EXOC6B: variants seen among roughly 807,000 people sequenced by gnomAD.
The protein encoded by EXOC6B is exocyst complex component 6B.
A neutral mutation model predicts 113.5 loss-of-function variants in EXOC6B; 54 were observed. That is an observed-to-expected ratio of 0.48 (90% CI 0.38 to 0.60). The LOEUF (loss-of-function observed/expected upper bound fraction) is 0.60. Ranked by LOEUF, EXOC6B falls within the 20% of genes least tolerant of loss-of-function variation. EXOC6B has a pLI of 0.00. For missense variants in EXOC6B, 797 were observed against 977.5 expected, an observed-to-expected ratio of 0.82 and a Z score of 2.46; for synonymous variants, 357 against 339.0, an observed-to-expected ratio of 1.05 and a Z score of -0.58.
chr2:72,783,681 T>C (rs1684205318), intron 1 of EXOC6B, among the ~76,000 whole-genome samples: 1 of 152,154 alleles, frequency 6.6e-6, no homozygotes, highest in African/African-American at 2.4e-5. Flanking sequence ...TTTGCCCACT[T>C]TTTAATGAGA....
intron 20 of EXOC6B, among the ~76,000 whole-genome samples, chr2:72,334,198 C>T (rs1688564036): frequency 6.6e-6 from 1 of 152,056 alleles, no homozygotes; most frequent in Non-Finnish European, 1.5e-5. Context: ...AGTTAACTCT[C>T]TCCCTCACTA....
intron 20 of EXOC6B, among the ~76,000 whole-genome samples, chr2:72,310,343 A>G (rs1331044387): frequency 6.6e-6 from 1 of 152,136 alleles, no homozygotes; most frequent in Non-Finnish European, 1.5e-5. Flanking sequence ...GTGGGTATAA[A>G]GTGGTATCTC....
intron 20 of EXOC6B, among the ~76,000 whole-genome samples, chr2:72,217,758 A>G (rs978599771): frequency 1.3e-5 from 2 of 152,168 alleles, no homozygotes; most frequent in Non-Finnish European, 2.9e-5. Context: ...GATATCTGGC[A>G]TTTTTAGTTA....
intron 19 of EXOC6B, among the ~76,000 whole-genome samples, chr2:72,335,560 AC>A: frequency 8.0e-6 from 1 of 124,876 alleles, no homozygotes; most frequent in Non-Finnish European, 1.9e-5. Context: ...ACACACACAC[AC>A]ACACACACAC....
intron 6 of EXOC6B, among the ~76,000 whole-genome samples, chr2:72,615,912 G>A (rs759197149): frequency 6.6e-6 from 1 of 152,092 alleles, no homozygotes; most frequent in Non-Finnish European, 1.5e-5. Flanking sequence ...CAATCTTGAT[G>A]ATCCTGACCC....
In EXOC6B at chr2:72,367,182, T is replaced by C. The variant is rs115917702; in HGVS notation, c.2122+12547A>G. On this transcript the variant is annotated intron_variant, in intron 19 of 21. Coordinates refer to ENST00000272427, the MANE Select transcript of EXOC6B (RefSeq NM_015189.3). ...AAACATAGAAGAAAAACAATACTTT[T>C]GTAAGATTCTTACATTAATGCAAAA... Among the ~76,000 whole-genome samples the C allele has an allele frequency of 5.5e-3, 842 of 152,288 alleles. 10 individuals are homozygous for C. The highest frequency in any genetic ancestry group is 0.019 in the African/African-American group (786 of 41,572).
At chr2:72,328,539 C>T (rs549025531) in intron 20 of EXOC6B, among the ~76,000 whole-genome samples, 1 of 152,216 alleles carries the variant, frequency 6.6e-6, no homozygotes, top group Admixed American at 6.5e-5. Context: ...GTTTTATTCA[C>T]TGCATTGTAT....
At chr2:72,719,653 T>A (rs759557127) in intron 5 of EXOC6B, among the ~76,000 whole-genome samples, 2 of 152,358 alleles carry the variant, frequency 1.3e-5, no homozygotes, top group South Asian at 4.1e-4. Flanking sequence ...TCACTCAAGT[T>A]TGTTTGAGCA....
intron 20 of EXOC6B, among the ~76,000 whole-genome samples, chr2:72,232,862 A>G (rs1366515555): frequency 1.4e-4 from 21 of 152,118 alleles, no homozygotes; most frequent in Admixed American, 1.4e-3. Context: ...ACCTGAGGTC[A>G]GGAGTTTGAG....
chr2:72,492,415 T>C lies in EXOC6B; in HGVS notation c.1568A>G (p.Asp523Gly), dbSNP rs1279140513. ...EDLHLSSTEV[D>G]DMIRKSTNLL... Reference sequence around the variant, plus strand: ...GTTTGTTGATTTCCGAATCATGTCATCAACTTCAGTTGAGCTGAAAAAGAA... The same window carrying C: ...GTTTGTTGATTTCCGAATCATGTCACCAACTTCAGTTGAGCTGAAAAAGAA... Residue 523 changes from aspartate (D) to glycine (G), a missense_variant, in exon 16 of 22, where the codon GAT becomes GGT. By Grantham distance (94) the Asp-to-Gly change is moderately conservative (BLOSUM62 -1). Transcript: ENST00000272427. 6.2e-7 allele frequency: 1 copy of C among 1,611,820 alleles called. No individual in the cohort carries two copies. The highest frequency in any genetic ancestry group is 8.5e-7 in the Non-Finnish European group (1 of 1,178,176).
intron 6 of EXOC6B, among the ~76,000 whole-genome samples, chr2:72,592,584 T>C (rs531684790): frequency 6.6e-6 from 1 of 152,280 alleles, no homozygotes; most frequent in South Asian, 2.1e-4. Context: ...CAAAAAAAGA[T>C]ACCATCATCC....
Position 72,651,672 on chromosome 2 carries a change from T to C in EXOC6B, c.669+66431A>G, listed in dbSNP as rs554982269. ...TCTCCCTCTATCGCCCAGGCTGGAC[T>C]GCAAGCTCCGCCTCCCAGGTTCATG... is the stretch of plus-strand genomic sequence containing the variant. On this transcript the variant is annotated intron_variant, in intron 6 of 21. Coordinates refer to ENST00000272427, the MANE Select transcript of EXOC6B (RefSeq NM_015189.3). Among the ~76,000 whole-genome samples the C allele has an allele frequency of 3.0e-4, 46 of 152,306 alleles. 1 individual carries two copies. The East Asian group carries it at 7.7e-3, about 26-fold the overall frequency.
chr2:72,536,192 G>A (rs1385636274), intron 8 of EXOC6B, among the ~76,000 whole-genome samples: 1 of 151,878 alleles, frequency 6.6e-6, no homozygotes, highest in African/African-American at 2.4e-5. Context: ...CCCCTCATTA[G>A]TACAGCCACC....
intron 18 of EXOC6B, among the ~76,000 whole-genome samples, chr2:72,452,408 A>G (rs1347379248): frequency 6.6e-6 from 1 of 152,216 alleles, no homozygotes; most frequent in Non-Finnish European, 1.5e-5. Context: ...AAATATAGAA[A>G]ATAATATTTA....
intron 20 of EXOC6B, among the ~76,000 whole-genome samples, chr2:72,300,363 G>A (rs2104751041): frequency 6.6e-6 from 1 of 152,294 alleles, no homozygotes; most frequent in South Asian, 2.1e-4. Flanking sequence ...AATGGCGGAC[G>A]CCCCTACCTA....
rs141619960 is a variant in EXOC6B, at chr2:72,310,490, C to A, written c.2196+24457G>T. On this transcript the variant is annotated intron_variant, in intron 20 of 21. Coordinates refer to ENST00000272427, the MANE Select transcript of EXOC6B (RefSeq NM_015189.3). Reference sequence around the variant, plus strand: ...GCCTTTATTTAAATTGGGTTGTCTTCTTATTATTAAATTGTAAGAGTTCTT... The same window carrying A: ...GCCTTTATTTAAATTGGGTTGTCTTATTATTATTAAATTGTAAGAGTTCTT... 2.0e-5 allele frequency among the ~76,000 whole-genome samples: 3 copies of A among 152,130 alleles called. No homozygotes were observed. The East Asian group carries it at 5.8e-4, about 29-fold the overall frequency.
chr2:72,542,601 T>TA (rs1702665642), intron 8 of EXOC6B, among the ~76,000 whole-genome samples: 1 of 152,202 alleles, frequency 6.6e-6, no homozygotes, highest in Non-Finnish European at 1.5e-5. Context: ...CAACTGTAAA[T>TA]AAATATGAGC....
At chr2:72,720,477 G>A (rs1344526531) in intron 5 of EXOC6B, among the ~76,000 whole-genome samples, 1 of 152,214 alleles carries the variant, frequency 6.6e-6, no homozygotes, top group African/African-American at 2.4e-5. Context: ...GCTGGGCACA[G>A]TGGCTCATAC....
At chr2:72,572,163 C>T (rs1398132827) in intron 7 of EXOC6B, among the ~76,000 whole-genome samples, 1 of 152,046 alleles carries the variant, frequency 6.6e-6, no homozygotes, top group Non-Finnish European at 1.5e-5. Context: ...ATAGAAGACC[C>T]AAACATTCAT....
Sources: gnomAD v4.1 joint callset for allele counts (sites outside exome capture counted in the v4.1 genomes callset) on GRCh38, gnomAD v4.1.1 for gene constraint, MANE v1.5 for transcripts, NCBI Gene and HGNC (gene_info 2026-07-23, HGNC 2026-07-21) for gene names.